Variants in MYT1L observed in about 807,000 individuals in gnomAD.
MYT1L encodes the protein myelin transcription factor 1-like protein.
MYT1L carries 12 observed loss-of-function variants against 126.7 expected under a neutral mutation model. That is an observed-to-expected ratio of 0.09 (90% confidence interval 0.06 to 0.15). The LOEUF is 0.15. MYT1L is among the 10% of genes least tolerant of loss of function. The pLI, the probability that MYT1L is intolerant of heterozygous loss-of-function variation, is 1.00. For synonymous variants in MYT1L, 541 were observed against 604.2 expected, an observed-to-expected ratio of 0.90 and a Z score of 1.53; for missense variants, 979 against 1,585.2, an observed-to-expected ratio of 0.62 and a Z score of 6.49.
chr2:1,868,572 G>T (rs768165091), intron 18 of MYT1L, among the ~76,000 whole-genome samples: 1 of 151,940 alleles, frequency 6.6e-6, no homozygotes, highest in African/African-American at 2.4e-5. Context: ...CCCTCTCCCC[G>T]GCCCCGAAGG....
chr2:2,049,754 G>A (rs2068605971), intron 4 of MYT1L, among the ~76,000 whole-genome samples: 1 of 152,098 alleles, frequency 6.6e-6, no homozygotes, highest in Non-Finnish European at 1.5e-5. Context: ...GGTTTTATAA[G>A]AGGTTTCCCC....
At chr2:1,863,652 G>A (rs1014762085) in intron 18 of MYT1L, among the ~76,000 whole-genome samples, 1 of 137,028 alleles carries the variant, frequency 7.3e-6, no homozygotes, top group African/African-American at 2.6e-5. Flanking sequence ...CCCGACCCCA[G>A]GAGGGATAGA....
intron 3 of MYT1L, among the ~76,000 whole-genome samples, chr2:2,142,926 A>T (rs1433428382): frequency 2.6e-5 from 4 of 151,482 alleles, no homozygotes; most frequent in African/African-American, 9.7e-5. Flanking sequence ...ACCTCAGGTG[A>T]TCTGCCTGCC....
At chr2:2,139,600 T>C (rs956893729) in intron 3 of MYT1L, among the ~76,000 whole-genome samples, 5 of 151,574 alleles carry the variant, frequency 3.3e-5, no homozygotes, top group East Asian at 1.9e-4. Context: ...GATTGCACCA[T>C]TGCACTCCAG....
At chr2:2,115,200 C>G (rs969488943) in intron 3 of MYT1L, among the ~76,000 whole-genome samples, 21 of 152,214 alleles carry the variant, frequency 1.4e-4, no homozygotes, top group Non-Finnish European at 1.9e-4. Flanking sequence ...GCATTGAAAT[C>G]TTTGTAAAAT....
chr2:2,004,303 ATGCG>A (rs2062853458), intron 4 of MYT1L, among the ~76,000 whole-genome samples: 1 of 123,396 alleles, frequency 8.1e-6, no homozygotes, highest in Non-Finnish European at 1.7e-5. Flanking sequence ...TCTTTCCTGC[ATGCG>A]TTCTTTCCTG....
At chr2:2,220,456 G>A (rs1424827238) in intron 2 of MYT1L, among the ~76,000 whole-genome samples, 2 of 152,116 alleles carry the variant, frequency 1.3e-5, no homozygotes, top group Non-Finnish European at 2.9e-5. Context: ...GGAGGCTAAG[G>A]TTCTTTTGAA....
At chr2:2,143,452 C>A (rs971980708) in intron 3 of MYT1L, among the ~76,000 whole-genome samples, 10 of 152,100 alleles carry the variant, frequency 6.6e-5, no homozygotes, top group African/African-American at 2.2e-4. Flanking sequence ...ACACTTCCTG[C>A]AATTCTATTG....
In MYT1L at chr2:2,208,371, C is replaced by T. The variant is rs1156526408; in HGVS notation, c.-420-35383G>A. On this transcript the variant is annotated intron_variant, in intron 2 of 24. Transcript: ENST00000647738. ...TAGACCTGTTGCAACCACTACATGACATAACGCAGGCAGAGCACCTGTCAC... is the reference window on the plus strand; with the variant it reads ...TAGACCTGTTGCAACCACTACATGATATAACGCAGGCAGAGCACCTGTCAC... 2.0e-5 allele frequency among the ~76,000 whole-genome samples: 3 copies of T among 152,260 alleles called. No homozygotes were observed. The East Asian group carries it at 5.8e-4, about 29-fold the overall frequency.
At chr2:1,878,629 C>T (rs368646182) in intron 18 of MYT1L, among the ~76,000 whole-genome samples, 55 of 152,238 alleles carry the variant, frequency 3.6e-4, no homozygotes, top group African/African-American at 1.2e-3. Flanking sequence ...CTTCCTTAGC[C>T]ACGGCAGCCT....
chr2:1,874,829 C>T (rs1404933047), intron 18 of MYT1L, among the ~76,000 whole-genome samples: 1 of 152,204 alleles, frequency 6.6e-6, no homozygotes, highest in Non-Finnish European at 1.5e-5. Context: ...CCCATTTCCA[C>T]CTAGGGCAAC....
chr2:1,904,454 C>T (rs1329889494), intron 13 of MYT1L, among the ~76,000 whole-genome samples: 2 of 151,858 alleles, frequency 1.3e-5, no homozygotes, highest in Admixed American at 6.6e-5. Context: ...CTGCCACCCC[C>T]ACCTCCTGGG....
At chr2:1,948,490 A>G (rs776536522) in intron 8 of MYT1L, among the ~76,000 whole-genome samples, 6 of 152,204 alleles carry the variant, frequency 3.9e-5, no homozygotes, top group Non-Finnish European at 7.3e-5. Context: ...GCTTAAATCA[A>G]CACAGCCCTC....
chr2:2,243,328 C>T (rs889640534), intron 2 of MYT1L, among the ~76,000 whole-genome samples: 3 of 152,110 alleles, frequency 2.0e-5, no homozygotes, highest in African/African-American at 7.2e-5. Flanking sequence ...GCAAAGAGAA[C>T]AAAATGATTT....
At chr2:1,965,104 G>C (rs4853818) in intron 8 of MYT1L, among the ~76,000 whole-genome samples, 27,547 of 152,050 alleles carry the variant, frequency 0.18, 2,662 homozygotes, top group East Asian at 0.31. Context: ...CTGTTCCCAA[G>C]ACCCAGGGAT....
At chr2:2,070,053 A>G (rs2074403060) in intron 3 of MYT1L, among the ~76,000 whole-genome samples, 1 of 151,918 alleles carries the variant, frequency 6.6e-6, no homozygotes, top group African/African-American at 2.4e-5. Context: ...ATACCATCAC[A>G]TGGTACACCA....
At chr2:1,872,656 A>G (rs1300989348) in intron 18 of MYT1L, among the ~76,000 whole-genome samples, 1 of 152,160 alleles carries the variant, frequency 6.6e-6, no homozygotes, top group East Asian at 1.9e-4. Context: ...TGGAAGTGGG[A>G]TAAATTTTAG....
chr2:2,097,723 T>C (rs1415520838), intron 3 of MYT1L, among the ~76,000 whole-genome samples: 3 of 152,120 alleles, frequency 2.0e-5, no homozygotes, highest in Admixed American at 1.3e-4. Flanking sequence ...CTGCACAGTG[T>C]CATGGTTGCC....
intron 3 of MYT1L, among the ~76,000 whole-genome samples, chr2:2,081,677 G>A (rs1575044180): frequency 6.6e-6 from 1 of 152,182 alleles, no homozygotes; most frequent in African/African-American, 2.4e-5. Context: ...TGCAAGGCAA[G>A]TCCCAGAGGT....
Sources: gnomAD v4.1 joint callset for allele counts (sites outside exome capture counted in the v4.1 genomes callset) on GRCh38, gnomAD v4.1.1 for gene constraint, MANE v1.5 for transcripts, NCBI Gene and HGNC (gene_info 2026-07-23, HGNC 2026-07-21) for gene names.